The following NCKAP1L variants were observed in gnomAD, a reference collection of about 807,000 sequenced individuals.
NCKAP1L encodes the protein nck-associated protein 1-like.
Under a neutral mutation model 139.2 loss-of-function variants are expected in NCKAP1L, and 53 were observed. That is an observed-to-expected ratio of 0.38 (90% CI 0.31 to 0.48). The LOEUF (loss-of-function observed/expected upper bound fraction) is 0.48, where lower values mean the gene tolerates loss of function less well. Ranked by LOEUF, NCKAP1L falls within the 20% of genes least tolerant of loss-of-function variation. The pLI is 0.98. For missense variants in NCKAP1L, 1,151 were observed against 1,381.9 expected (o/e 0.83, Z 2.65); for synonymous variants, 468 against 499.7 (o/e 0.94, Z 0.85).
In NCKAP1L at chr12:54,520,752, T is replaced by C. The variant is rs1249080995; in HGVS notation, c.1684T>C (p.Leu562=). Residue 562 remains leucine (L), a synonymous_variant, in exon 17 of 31, where the codon TTG becomes CTG. Transcript: ENST00000293373. ...FAMTLEESAM[L]RYAIAFPLIC... is the part of the protein sequence containing the mutation. ...CATGACCTTGGAGGAATCTGCCATGTTGCGTTATGCCATTGCTTTCCCCCT... is the reference window on the plus strand; with the variant it reads ...CATGACCTTGGAGGAATCTGCCATGCTGCGTTATGCCATTGCTTTCCCCCT... The C allele has an allele frequency of 6.2e-7, 1 of 1,614,066 alleles. No homozygotes were observed.
At chr12:54,541,352 G>A (rs779411524) in intron 30 of NCKAP1L, among the ~76,000 whole-genome samples, 5 of 152,194 alleles carry the variant, frequency 3.3e-5, no homozygotes, top group Non-Finnish European at 5.9e-5. Flanking sequence ...CCACTTGGGA[G>A]CCCTGTTATT....
In NCKAP1L at chr12:54,517,736, A is replaced by T. The variant is rs74091307; in HGVS notation, c.1206-70A>T. 2.6e-3 allele frequency: 4,246 copies of T among 1,602,488 alleles called. 91 individuals are homozygous for T. The African/African-American group carries it at 0.049, about 19-fold the overall frequency. On this transcript the variant is annotated intron_variant, in intron 12 of 30. Coordinates refer to ENST00000293373, the MANE Select transcript of NCKAP1L (RefSeq NM_005337.5). ...TTAGGAGGTCTCAATTTCTGCCCTG[A>T]TATCACTGTGTTTGTCTCAGTTCAT... is the stretch of plus-strand genomic sequence containing the variant.
intron 3 of NCKAP1L, among the ~76,000 whole-genome samples, chr12:54,505,717 C>T (rs1395099647): frequency 6.7e-6 from 1 of 150,366 alleles, no homozygotes; most frequent in African/African-American, 2.5e-5. Flanking sequence ...GGCTGGAGTG[C>T]AATGGTGTGA....
At chr12:54,498,434 T>TGTGTGTGTGTG (rs71070823) in intron 1 of NCKAP1L, among the ~76,000 whole-genome samples, 52 of 149,538 alleles carry the variant, frequency 3.5e-4, no homozygotes, top group Non-Finnish European at 5.2e-4. Flanking sequence ...TGTGTGTGTG[T>TGTGTGTGTGTG]TTAGAATAGG....
chr12:54,519,786 G>A (rs747543633), intron 16 of NCKAP1L, among the ~76,000 whole-genome samples: 73 of 151,892 alleles, frequency 4.8e-4, no homozygotes, highest in Admixed American at 9.8e-4. Context: ...TTTGTGGAAA[G>A]CCATTTGGAT....
intron 26 of NCKAP1L, among the ~76,000 whole-genome samples, chr12:54,532,540 T>A (rs1957081167): frequency 6.6e-6 from 1 of 152,142 alleles, no homozygotes; most frequent in South Asian, 2.1e-4. Context: ...TTTCACCTGA[T>A]ATGAGCACTG....
rs1262715366 is a variant in NCKAP1L, at chr12:54,517,943, G to A, written c.1338+5G>A. ...GTGCTCAGTGACATCATTCAGGTAT[G>A]ATATTTAATTGATTATACTTTGGAA... On this transcript the variant is annotated splice_donor_5th_base_variant and intron_variant, in intron 13 of 30. Transcript: ENST00000293373. 4 of 1,613,928 alleles carry A rather than the reference G, an allele frequency of 2.5e-6. No homozygotes were observed. Among genetic ancestry groups the A allele is most frequent in the East Asian group, 2.2e-5 (1 of 44,880 alleles).
At chr12:54,520,920 G>T in intron 17 of NCKAP1L, 94 bp downstream of exon 17, 1 of 1,555,696 alleles carries the variant, frequency 6.4e-7, no homozygotes. Context: ...GTCCCAGAAA[G>T]GGTATAAACA....
intron 1 of NCKAP1L, chr12:54,498,678 G>C: frequency 1.9e-6 from 1 of 528,760 alleles, no homozygotes. Flanking sequence ...CTTACATAGT[G>C]AACAAAATTG....
At position 54,531,564 on chromosome 12, in the gene NCKAP1L, C is replaced by G. The variant is rs755893654; in HGVS notation, c.2678C>G (p.Ser893Cys). The G allele has an allele frequency of 1.9e-6, 3 of 1,614,182 alleles. No individual in the cohort carries two copies. The highest frequency in any genetic ancestry group is 2.5e-6 in the Non-Finnish European group (3 of 1,180,014). ...TTTAGCAAGCCGGACTTGATGGCTT[C>G]CCTGCTGCCCCAGCTGACAGGTAAG... ...SNFSKPDLMASLLPQLTGAEN... is the reference protein window; with the variant it reads ...SNFSKPDLMACLLPQLTGAEN... Residue 893 changes from serine to cysteine, a missense_variant, in exon 24 of 31, where the codon TCC becomes TGC. Physicochemically the swap from Ser to Cys is moderately radical, Grantham distance 112. Coordinates refer to ENST00000293373, the MANE Select transcript of NCKAP1L (RefSeq NM_005337.5).
intron 3 of NCKAP1L, among the ~76,000 whole-genome samples, chr12:54,501,955 T>C (rs936462925): frequency 1.8e-4 from 28 of 152,248 alleles, no homozygotes; most frequent in African/African-American, 6.0e-4. Context: ...TATTATCTCA[T>C]CTAAGTTTTT....
At chr12:54,530,569 A>G (rs1268162786) in intron 22 of NCKAP1L, among the ~76,000 whole-genome samples, 4 of 152,224 alleles carry the variant, frequency 2.6e-5, no homozygotes, top group Non-Finnish European at 5.9e-5. Flanking sequence ...GGAAAAACAT[A>G]CAATAAACAT....
rs181811510 is a variant in NCKAP1L, at chr12:54,540,981, T to G, written c.3274-1594T>G. Among the ~76,000 whole-genome samples, 3 of 152,362 alleles carry G rather than the reference T, an allele frequency of 2.0e-5. No individual in the cohort carries two copies. In the East Asian group the frequency reaches 5.8e-4, roughly 29 times the overall value. ...GACCGAAGGTGAAGGAGCTGTATTC[T>G]GAGTTAAGAGGCTACTCATGTAGCC... On this transcript the variant is annotated intron_variant, in intron 30 of 30. Coordinates refer to ENST00000293373, the MANE Select transcript of NCKAP1L (RefSeq NM_005337.5).
intron 30 of NCKAP1L, 105 bp downstream of exon 30, chr12:54,539,078 A>G (rs1199422671): frequency 2.2e-6 from 2 of 922,114 alleles, no homozygotes; most frequent in Non-Finnish European, 3.4e-6. Context: ...ACCCAAAAGC[A>G]TTAACTAAGG....
Position 54,542,866 on chromosome 12 carries a change from C to G in NCKAP1L, c.*181C>G, listed in dbSNP as rs1565685560. The G allele has an allele frequency of 1.9e-6, 1 of 528,510 alleles. No individual in the cohort carries two copies. The highest frequency in any genetic ancestry group is 3.4e-6 in the Non-Finnish European group (1 of 295,704). 32.7% of individuals were successfully genotyped at this position (528,510 alleles called of 1,614,324 possible). Reference sequence around the variant, plus strand: ...AATCCAGGGCTGAGAAATCGTAGAGCAGTGAGGCAGGCTGGGAGCATGGAG... The same window carrying G: ...AATCCAGGGCTGAGAAATCGTAGAGGAGTGAGGCAGGCTGGGAGCATGGAG... On this transcript the variant is annotated 3_prime_UTR_variant, in exon 31 of 31. Coordinates refer to ENST00000293373, the MANE Select transcript of NCKAP1L (RefSeq NM_005337.5).
At chr12:54,523,608 G>C in intron 19 of NCKAP1L, 69 bp downstream of exon 19, 80 of 1,515,238 alleles carry the variant, frequency 5.3e-5, no homozygotes, top group Non-Finnish European at 6.7e-5. Context: ...AAAGAGGGAA[G>C]GTGACACAGA....
intron 12 of NCKAP1L, 67 bp downstream of exon 12, chr12:54,517,709 C>A: frequency 6.3e-7 from 1 of 1,582,936 alleles, no homozygotes; most frequent in Admixed American, 1.7e-5. Context: ...CATCAGATGA[C>A]CTTAGGAGGT....
At position 54,531,672 on chromosome 12, in the gene NCKAP1L, G is replaced by A. The variant is rs1033549074; in HGVS notation, c.2699-71G>A. 1.9e-6 allele frequency: 3 copies of A among 1,599,512 alleles called. No homozygotes were observed. In the South Asian group the frequency reaches 3.3e-5, roughly 18 times the overall value. On this transcript the variant is annotated intron_variant, in intron 24 of 30. Coordinates refer to ENST00000293373, the MANE Select transcript of NCKAP1L (RefSeq NM_005337.5). ...TTTCAGGAATCTGGAGGCTAGGCGG[G>A]GTCTGTAGAATCAAAATCATCACCA...
At chr12:54,512,271 G>A in intron 9 of NCKAP1L, 166 bp downstream of exon 9, 1 of 636,224 alleles carries the variant, frequency 1.6e-6, no homozygotes. Flanking sequence ...GCTTCACTGG[G>A]TTTTAGGGAC....
Sources: gnomAD v4.1 joint callset for allele counts (sites outside exome capture counted in the v4.1 genomes callset) on GRCh38, gnomAD v4.1.1 for gene constraint, MANE v1.5 for transcripts, NCBI Gene and HGNC (gene_info 2026-07-23, HGNC 2026-07-21) for gene names.